Variants in SH3D21 observed in about 807,000 individuals in gnomAD.
SH3D21 encodes manchette microtubule inner protein 1, also known as SH3 domain-containing protein 21.
In SH3D21, 83 loss-of-function variants were observed where a neutral mutation model predicts 82.1. The observed-to-expected ratio is 1.01, with a 90% CI of 0.85 to 1.21. SH3D21 has a LOEUF of 1.21. Among genes scored for constraint, SH3D21 ranks in the 50% most tolerant of loss-of-function variants. The pLI, the probability that SH3D21 is intolerant of heterozygous loss-of-function variation, is 0.00. For missense variants in SH3D21, 980 were observed against 962.1 expected, an observed-to-expected ratio of 1.02 and a Z score of -0.25; for synonymous variants, 383 against 387.8, an observed-to-expected ratio of 0.99 and a Z score of 0.15.
At chr1:36,329,657 G>A (rs77846757), downstream of SH3D21, among the ~76,000 whole-genome samples, 56 of 152,114 alleles carry the variant, frequency 3.7e-4, no homozygotes, top group African/African-American at 1.2e-3. Flanking sequence ...CAGGGGAGAC[G>A]GGCATGATCA....
chr1:36,320,612 A>G lies in SH3D21; in HGVS notation c.1949A>G (p.Glu650Gly), dbSNP rs573669822. ...VAPKEEVPPI[E>G]RAFAQKTRPI... ...CCAAAAGAGGAGGTGCCCCCCATAG[A>G]AAGAGCCTTTGCCCAAAAAACACGT... Residue 650 changes from glutamate (E) to glycine (G), a missense_variant, in exon 14 of 16, where the codon GAA becomes GGA. Transcript: ENST00000453908. 1 of 1,614,122 alleles carries G rather than the reference A, an allele frequency of 6.2e-7. No individual in the cohort carries two copies. Among genetic ancestry groups the G allele is most frequent in the East Asian group, 2.2e-5 (1 of 44,886 alleles).
chr1:36,317,900 C>T (rs1646371686), intron 10 of SH3D21, among the ~76,000 whole-genome samples: 1 of 152,216 alleles, frequency 6.6e-6, no homozygotes, highest in South Asian at 2.1e-4. Context: ...CTTAATAACT[C>T]TCTAACACAC....
intron 10 of SH3D21, among the ~76,000 whole-genome samples, chr1:36,312,217 G>A (rs1646255147): frequency 6.6e-6 from 1 of 151,276 alleles, no homozygotes; most frequent in African/African-American, 2.4e-5. Context: ...GTAGAGACGG[G>A]TTTCACCATG....
chr1:36,321,480 C>T (rs1000429875), downstream of SH3D21: 22 of 930,630 alleles, frequency 2.4e-5, no homozygotes, highest in Non-Finnish European at 2.9e-5. The surrounding 1 kb of genome is among the most constrained non-coding windows in gnomAD (Gnocchi z 6.1). Context: ...CTCTTGACGC[C>T]CGGCCTAGAT....
chr1:36,311,363 C>T (rs1223855936), intron 10 of SH3D21, among the ~76,000 whole-genome samples: 1 of 152,192 alleles, frequency 6.6e-6, no homozygotes, highest in Non-Finnish European at 1.5e-5. Flanking sequence ...GCCTCAGCCT[C>T]CCGAGTAGCT....
intron 10 of SH3D21, among the ~76,000 whole-genome samples, chr1:36,316,072 C>T (rs149909009): frequency 5.8e-4 from 88 of 152,304 alleles, no homozygotes; most frequent in African/African-American, 1.9e-3. Context: ...GTTCCACTAT[C>T]TGTTGTGTGT....
downstream of SH3D21, chr1:36,322,849 G>A (rs1646491138): frequency 3.6e-5 from 55 of 1,507,344 alleles, no homozygotes; most frequent in Non-Finnish European, 4.8e-5. Context: ...GGGCATTAGG[G>A]AACCGCCAGC....
At chr1:36,316,968 C>G (rs1646356352) in intron 10 of SH3D21, among the ~76,000 whole-genome samples, 1 of 152,124 alleles carries the variant, frequency 6.6e-6, no homozygotes, top group Non-Finnish European at 1.5e-5. Flanking sequence ...AGCCACTGCA[C>G]CCAGTCCAGT....
chr1:36,319,711 G>A lies in SH3D21; in HGVS notation c.1048G>A (p.Val350Met). The change falls in exon 14 of 16, where the codon GTG becomes ATG. Residue 350 changes from valine (V) to methionine (M), a missense_variant. Val to Met is a conservative substitution (Grantham distance 21, BLOSUM62 1). Coordinates refer to ENST00000453908, the MANE Select transcript of SH3D21 (RefSeq NM_001162530.2). ...CAGCAGCCCGGTAAAGGCCCCCTCTGTGAAGAGAACCCCCATGCCGGACAA... is the reference window on the plus strand; with the variant it reads ...CAGCAGCCCGGTAAAGGCCCCCTCTATGAAGAGAACCCCCATGCCGGACAA... ...EHSSPVKAPS[V>M]KRTPMPDKTA... The A allele has an allele frequency of 6.3e-7, 1 of 1,595,204 alleles. No individual in the cohort carries two copies. Among genetic ancestry groups the A allele is most frequent in the Non-Finnish European group, 8.5e-7 (1 of 1,172,166 alleles).
Position 36,306,803 on chromosome 1 carries a change from C to A in SH3D21, c.163-39C>A. ...CTGTGGGGTCTCAGCGCGCGCCCCCCGGGAGCTGAGAGCGCCTTCCCCGTG... is the reference window on the plus strand; with the variant it reads ...CTGTGGGGTCTCAGCGCGCGCCCCCAGGGAGCTGAGAGCGCCTTCCCCGTG... On this transcript the variant is annotated intron_variant, in intron 2 of 15. Coordinates refer to ENST00000453908, the MANE Select transcript of SH3D21 (RefSeq NM_001162530.2). The surrounding 1 kb of genome is among the most constrained non-coding windows in gnomAD (Gnocchi z 4.5). The A allele has an allele frequency of 7.7e-7, 1 of 1,292,526 alleles. No homozygotes were observed. The highest frequency in any genetic ancestry group is 1.0e-6 in the Non-Finnish European group (1 of 987,996). 80.1% of individuals were successfully genotyped at this position (1,292,526 alleles called of 1,614,324 possible).
chr1:36,322,166 G>C, downstream of SH3D21: 1 of 1,358,100 alleles, frequency 7.4e-7, no homozygotes, highest in Non-Finnish European at 9.5e-7. Context: ...AGCCTCTCAG[G>C]GGGTGGCGGT....
chr1:36,319,278 C>T lies in SH3D21; in HGVS notation c.882C>T (p.Ser294=). The T allele has an allele frequency of 3.2e-6, 5 of 1,551,620 alleles. No homozygotes were observed. The highest frequency in any genetic ancestry group is 1.2e-5 in the South Asian group (1 of 84,042). Residue 294 remains serine (S), a synonymous_variant, in exon 12 of 16, where the codon AGC becomes AGT. Transcript: ENST00000453908. ...PSKAKTSRTP[S]RDSQKLTSRD... ...GTTCCAGGACATCTCGGACACCCAG[C>T]AGGGACAGTCAGAAGCTCACCTCCC...
At chr1:36,313,967 A>ATTTTTTTT (rs1207014644) in intron 10 of SH3D21, among the ~76,000 whole-genome samples, 5 of 36,876 alleles carry the variant, frequency 1.4e-4, no homozygotes, top group African/African-American at 1.4e-4. Context: ...TGCTGAACAT[A>ATTTTTTTT]TTTTCTTTTT....
chr1:36,322,880 G>GGGCGGAGGGGACGGACAA, downstream of SH3D21: 2 of 1,546,490 alleles, frequency 1.3e-6, no homozygotes, highest in Non-Finnish European at 1.8e-6. Flanking sequence ...GCGGGGAGCG[G>GGGCGGAGGGGACGGACAA]GGCGGAGGGG....
downstream of SH3D21, chr1:36,328,358 G>T (rs55730607): frequency 2.8e-6 from 1 of 355,278 alleles, no homozygotes. Flanking sequence ...ACGGGGATAG[G>T]TCTTGGATGG....
chr1:36,327,832 C>G (rs202025404), downstream of SH3D21: 908 of 1,288,406 alleles, frequency 7.0e-4, 8 homozygotes, highest in Middle Eastern at 7.7e-3. Context: ...AACCTTTGGC[C>G]AATGTGGCTG....
Position 36,320,140 on chromosome 1 carries a change from GA to G in SH3D21, c.1479del (p.Glu494ArgfsTer26), listed in dbSNP as rs746537508. 9 of 1,613,842 alleles carry G rather than the reference GA, an allele frequency of 5.6e-6. No individual in the cohort carries two copies. The highest frequency in any genetic ancestry group is 3.3e-5 in the Admixed American group (2 of 60,008). On this transcript the variant is annotated frameshift_variant, in exon 14 of 16. Coordinates refer to ENST00000453908, the MANE Select transcript of SH3D21 (RefSeq NM_001162530.2). LOFTEE classifies it high-confidence loss of function. ...EKVLTPELSE[E>X]EVSTRDDIQF... Reference sequence around the variant, plus strand: ...GGTCTTGACCCCAGAGCTTTCTGAAGAAGAGGTGTCCACCAGAGATGACATT... The same window carrying G: ...GGTCTTGACCCCAGAGCTTTCTGAAGAGAGGTGTCCACCAGAGATGACATT...
chr1:36,325,614 G>A (rs1443843360), downstream of SH3D21, among the ~76,000 whole-genome samples: 3 of 151,894 alleles, frequency 2.0e-5, no homozygotes, highest in East Asian at 1.9e-4. Flanking sequence ...GCGCGATCTC[G>A]GCTCACTGCA....
chr1:36,308,281 C>T (rs765714610), intron 8 of SH3D21, 72 bp downstream of exon 8: 341 of 1,465,052 alleles, frequency 2.3e-4, no homozygotes, highest in Non-Finnish European at 3.0e-4. Flanking sequence ...ACATGTACCC[C>T]CTGAATCTAA....
Sources: gnomAD v4.1 joint callset for allele counts (sites outside exome capture counted in the v4.1 genomes callset) on GRCh38, gnomAD v4.1.1 for gene constraint, Gnocchi (gnomAD v3.1) non-coding constraint, MANE v1.5 for transcripts, NCBI Gene and HGNC (gene_info 2026-07-23, HGNC 2026-07-21) for gene names.